PLTP: variants seen among roughly 807,000 people sequenced by gnomAD.
The protein encoded by PLTP is phospholipid transfer protein, also known as BPI fold containing family E.
Under a neutral mutation model 54.1 loss-of-function variants are expected in PLTP, and 43 were observed. That is an observed-to-expected ratio of 0.79 (90% CI 0.62 to 1.02). The LOEUF is 1.02. Ranked by LOEUF, PLTP falls within the 50% of genes least tolerant of loss-of-function variation. The pLI is 0.00. For synonymous variants in PLTP, 263 were observed against 264.6 expected (o/e 0.99, Z 0.06); for missense variants, 604 against 645.9 (o/e 0.94, Z 0.70).
intron 13 of PLTP, 27 bp downstream of exon 13, chr20:45,899,809 C>A: frequency 1.9e-6 from 1 of 536,556 alleles, no homozygotes; most frequent in Non-Finnish European, 3.5e-6. Flanking sequence ...CGAACCCAGC[C>A]CAGCCCACCC....
chr20:45,900,548 A>G (rs1024859829), intron 12 of PLTP, among the ~76,000 whole-genome samples: 9 of 151,758 alleles, frequency 5.9e-5, no homozygotes, highest in Non-Finnish European at 1.3e-4. Context: ...TTTATTTTTG[A>G]GACAGCGTCT....
Position 45,904,975 on chromosome 20 carries a change from CGCCCGGAAGTA to C in PLTP, c.838_848del (p.Tyr280GlyfsTer37), listed in dbSNP as rs771357877. 2 of 1,614,154 alleles carry C rather than the reference CGCCCGGAAGTA, an allele frequency of 1.2e-6. No individual in the cohort carries two copies. Among genetic ancestry groups the C allele is most frequent in the African/African-American group, 2.7e-5 (2 of 74,944 alleles). On this transcript the variant is annotated frameshift_variant, in exon 9 of 16. Transcript: ENST00000372431. LOFTEE classifies it high-confidence loss of function. ...CCACCAGCAACAGCTGCAGGGCCCCCGCCCGGAAGTAGCTCTCCATGGCAGAGTCGAAGAAG... is the reference window on the plus strand; with the variant it reads ...CCACCAGCAACAGCTGCAGGGCCCCCGCTCTCCATGGCAGAGTCGAAGAAG...
intron 5 of PLTP, among the ~76,000 whole-genome samples, chr20:45,908,699 G>A (rs1397201988): frequency 6.6e-6 from 1 of 152,008 alleles, no homozygotes; most frequent in African/African-American, 2.4e-5. Flanking sequence ...CTACTTGGGA[G>A]GCTGAGGCAG....
intron 3 of PLTP, 62 bp downstream of exon 3, chr20:45,911,090 T>C: frequency 2.5e-6 from 4 of 1,611,750 alleles, no homozygotes; most frequent in Middle Eastern, 1.8e-4. Flanking sequence ...CTGAGATTTC[T>C]CGGGCCCCGC....
intron 12 of PLTP, among the ~76,000 whole-genome samples, chr20:45,901,220 G>A (rs1487448463): frequency 6.6e-6 from 1 of 152,158 alleles, no homozygotes; most frequent in Non-Finnish European, 1.5e-5. Flanking sequence ...CATGTGGCTA[G>A]TATCTACCAT....
At chr20:45,904,891 G>A in intron 9 of PLTP, 32 bp from the exon 10 acceptor site, 1 of 1,613,988 alleles carries the variant, frequency 6.2e-7, no homozygotes, top group Non-Finnish European at 8.5e-7. Context: ...GAGGGAGTGA[G>A]CTCTGTCACA....
rs115455506 is a variant in PLTP at position 45,911,051 on chromosome 20, T to C, written c.200+101A>G. On this transcript the variant is annotated intron_variant, in intron 3 of 15. Transcript: ENST00000372431. The stretch of plus-strand genomic sequence containing the variant: ...GCCTCATCGATTTGGCCACGCCCCA[T>C]CCCACTCAGCCTCCAGTCTCCCGAG... 2.0e-3 allele frequency: 3,257 copies of C among 1,609,828 alleles called. 65 individuals are homozygous for C. The African/African-American group carries it at 0.039, about 19-fold the overall frequency.
Position 45,902,339 on chromosome 20 carries a change from A to G in PLTP, c.1108-5T>C. On this transcript the variant is annotated splice_region_variant and splice_polypyrimidine_tract_variant and intron_variant, in intron 11 of 15. Coordinates refer to ENST00000372431, the MANE Select transcript of PLTP (RefSeq NM_006227.4). ...CTTGGCGCTGAGACGGGCGTCCTGC[A>G]GGAACATGGGGAGGAGGATGTTACT... The G allele has an allele frequency of 6.2e-7, 1 of 1,614,208 alleles. No homozygotes were observed. Among genetic ancestry groups the G allele is most frequent in the Non-Finnish European group, 8.5e-7 (1 of 1,180,044 alleles).
In PLTP at chr20:45,898,841, TG is replaced by T. The variant is rs1568768816; in HGVS notation, c.*99del. On this transcript the variant is annotated 3_prime_UTR_variant, in exon 16 of 16. Coordinates refer to ENST00000372431, the MANE Select transcript of PLTP (RefSeq NM_006227.4). The surrounding 1 kb of genome is among the most constrained non-coding windows in gnomAD (Gnocchi z 4.6). Reference sequence around the variant, plus strand: ...TCAAATCCCGTCTTCTCTGTGGCACTGGGGGTTAGAGGGGGCACTACAGGCT... The same window carrying T: ...TCAAATCCCGTCTTCTCTGTGGCACTGGGGTTAGAGGGGGCACTACAGGCT... The T allele has an allele frequency of 7.5e-7, 1 of 1,333,840 alleles. No individual in the cohort carries two copies. 82.6% of individuals were successfully genotyped at this position (1,333,840 alleles called of 1,614,324 possible).
chr20:45,899,773 G>T (rs541697748), intron 13 of PLTP, 63 bp downstream of exon 13: 8 of 1,591,384 alleles, frequency 5.0e-6, no homozygotes, highest in African/African-American at 2.7e-5. Flanking sequence ...TATGAGGAGG[G>T]GGGGATGGTG....
intron 3 of PLTP, 105 bp from the exon 4 acceptor site, chr20:45,910,175 G>A: frequency 7.9e-7 from 1 of 1,271,516 alleles, no homozygotes; most frequent in Non-Finnish European, 1.1e-6. Context: ...GGGGAAGCGG[G>A]AGTGGGTGGA....
chr20:45,899,779 T>A, intron 13 of PLTP, 57 bp downstream of exon 13: 1 of 1,582,724 alleles, frequency 6.3e-7, no homozygotes, highest in Non-Finnish European at 8.6e-7. Context: ...GAGGGGGGGA[T>A]GGTGAGGGTC....
At chr20:45,911,104 C>G in intron 3 of PLTP, 48 bp downstream of exon 3, 5 of 1,610,650 alleles carry the variant, frequency 3.1e-6, no homozygotes, top group Non-Finnish European at 4.2e-6. Flanking sequence ...GCCCCGCCTC[C>G]ACCGCCGAGG....
rs2083143676 is a variant in PLTP, at chr20:45,898,872, A to G, written c.*69T>C. 4 of 1,575,100 alleles carry G rather than the reference A, an allele frequency of 2.5e-6. No individual in the cohort carries two copies. The East Asian group carries it at 6.8e-5, about 27-fold the overall frequency. ...TTAGAGGGGGCACTACAGGCTATGAATGTGGGAAAAGAGGGGCTGAGAGGG... is the reference window on the plus strand; with the variant it reads ...TTAGAGGGGGCACTACAGGCTATGAGTGTGGGAAAAGAGGGGCTGAGAGGG... On this transcript the variant is annotated 3_prime_UTR_variant, in exon 16 of 16. Coordinates refer to ENST00000372431, the MANE Select transcript of PLTP (RefSeq NM_006227.4). The surrounding 1 kb of genome is among the most constrained non-coding windows in gnomAD (Gnocchi z 4.6).
At chr20:45,909,716 G>T in intron 4 of PLTP, 45 bp from the exon 5 acceptor site, 1 of 1,603,222 alleles carries the variant, frequency 6.2e-7, no homozygotes, top group Non-Finnish European at 8.5e-7. Context: ...GCTCAATTGA[G>T]TCTTCAGTGC....
chr20:45,902,411 G>A (rs1186629934), intron 11 of PLTP, 29 bp downstream of exon 11: 29 of 1,614,138 alleles, frequency 1.8e-5, no homozygotes, highest in Non-Finnish European at 2.1e-5. Context: ...CTGACCCCCA[G>A]CCAGCAGCCC....
At chr20:45,909,859 G>T in intron 4 of PLTP, 83 bp downstream of exon 4, 1 of 1,554,860 alleles carries the variant, frequency 6.4e-7, no homozygotes, top group Non-Finnish European at 8.9e-7. Flanking sequence ...ACTCAGGAAG[G>T]CTAAGGGGGC....
chr20:45,899,828 C>A lies in PLTP; in HGVS notation c.1218+8G>T. The A allele has an allele frequency of 6.6e-7, 1 of 1,515,818 alleles. No individual in the cohort carries two copies. Among genetic ancestry groups the A allele is most frequent in the South Asian group, 1.2e-5 (1 of 83,250 alleles). The allele number at this position is 1,515,818 out of a possible 1,614,324, so 93.9% of individuals were successfully genotyped here. On this transcript the variant is annotated splice_region_variant and intron_variant, in intron 13 of 15. Transcript: ENST00000372431. ...CCCAGCCCAGCCCACCCACCCTTCC[C>A]CACTCACAGCCAGCGACTCCAGTGC...
In PLTP at chr20:45,905,106, G is replaced by GA; in HGVS notation, c.717_718insT (p.Pro240SerfsTer4). ...AGGCTCCAGTTCCTCTCAGTCAGGG[G>GA]GAAGAAGGCCCCCTGGGGTGGGGCA... On this transcript the variant is annotated frameshift_variant, in exon 9 of 16. Transcript: ENST00000372431. LOFTEE classifies it high-confidence loss of function. 1 of 1,614,110 alleles carries GA rather than the reference G, an allele frequency of 6.2e-7. No homozygotes were observed. The highest frequency in any genetic ancestry group is 8.5e-7 in the Non-Finnish European group (1 of 1,180,020).
Sources: gnomAD v4.1 joint callset for allele counts (sites outside exome capture counted in the v4.1 genomes callset) on GRCh38, gnomAD v4.1.1 for gene constraint, Gnocchi (gnomAD v3.1) non-coding constraint, MANE v1.5 for transcripts, NCBI Gene and HGNC (gene_info 2026-07-23, HGNC 2026-07-21) for gene names.